The following RAB3GAP1 variants were observed in gnomAD, a reference collection of about 807,000 sequenced individuals.
RAB3GAP1 encodes the protein rab3 GTPase-activating protein catalytic subunit.
Under a neutral mutation model 130.7 loss-of-function variants are expected in RAB3GAP1, and 86 were observed. The observed-to-expected ratio is 0.66, with a 90% CI of 0.55 to 0.79. The LOEUF (loss-of-function observed/expected upper bound fraction) is 0.79, where lower values mean the gene tolerates loss of function less well. Among genes scored for constraint, RAB3GAP1 ranks in the 30% least tolerant of loss-of-function variants. The probability of loss-of-function intolerance (pLI) is 0.00; values close to 1 mark genes in which losing one functional copy is unlikely to be tolerated. For synonymous variants in RAB3GAP1, 367 were observed against 401.7 expected, an observed-to-expected ratio of 0.91 and a Z score of 1.03; for missense variants, 1,029 against 1,169.4, an observed-to-expected ratio of 0.88 and a Z score of 1.75.
chr2:135,117,639 T>TCTG (rs1260482011), intron 7 of RAB3GAP1, among the ~76,000 whole-genome samples: 173 of 60,160 alleles, frequency 2.9e-3, no homozygotes, highest in African/African-American at 0.011. Flanking sequence ...TGCTTCTGCT[T>TCTG]CTTCTTCTGC....
chr2:135,093,682 C>T lies in RAB3GAP1; in HGVS notation c.351C>T (p.Cys117=). 6.2e-7 allele frequency: 1 copy of T among 1,610,926 alleles called. No individual in the cohort carries two copies. Among genetic ancestry groups the T allele is most frequent in the South Asian group, 1.1e-5 (1 of 91,020 alleles). Residue 117 remains cysteine, a synonymous_variant, in exon 5 of 24, where the codon TGC becomes TGT. Coordinates refer to ENST00000264158, the MANE Select transcript of RAB3GAP1 (RefSeq NM_012233.3). ...ATGACTTTCCTCCAAGAGCACATTG[C>T]CTGGTAAGATGGTAGGTATATCTTT... ...MNNDFPPRAH[C]LVRWYGLREF...
intron 3 of RAB3GAP1, among the ~76,000 whole-genome samples, chr2:135,070,275 A>C (rs1051217003): frequency 6.6e-6 from 1 of 152,224 alleles, no homozygotes; most frequent in Non-Finnish European, 1.5e-5. Flanking sequence ...CTTTGGCCCA[A>C]ATAAAATCCC....
intron 19 of RAB3GAP1, among the ~76,000 whole-genome samples, chr2:135,159,321 C>T (rs1692402908): frequency 6.6e-6 from 1 of 152,142 alleles, no homozygotes. Context: ...TGCAGCAGCC[C>T]GACTGACACT....
At chr2:135,124,068 C>A in intron 8 of RAB3GAP1, 97 bp from the exon 9 acceptor site, 1 of 1,173,616 alleles carries the variant, frequency 8.5e-7, no homozygotes, top group South Asian at 1.3e-5. Context: ...TGTTCTCTTG[C>A]AGACACTTTT....
chr2:135,113,495 T>C (rs1271406773), intron 6 of RAB3GAP1, among the ~76,000 whole-genome samples: 1 of 152,212 alleles, frequency 6.6e-6, no homozygotes, highest in East Asian at 1.9e-4. Context: ...TTTAGGAGTA[T>C]ACTTTTGGAA....
rs1388728601 is a variant in RAB3GAP1 at position 135,091,000 on chromosome 2, T to C, written c.153T>C (p.Gly51=). The change falls in exon 4 of 24, where the codon GGT becomes GGC. Residue 51 remains glycine (G), a splice_region_variant and synonymous_variant. Coordinates refer to ENST00000264158, the MANE Select transcript of RAB3GAP1 (RefSeq NM_012233.3). ...TGCCATTTTATTGGTACATATAGGG[T>C]ATATTTACTTCTGGCACATGGGAAG... ...GNSLGKPLEK[G]IFTSGTWEEK... 3 of 1,611,818 alleles carry C rather than the reference T, an allele frequency of 1.9e-6. No homozygotes were observed. The Admixed American group carries it at 5.0e-5, about 27-fold the overall frequency.
chr2:135,145,059 T>C (rs1391920061), intron 17 of RAB3GAP1, among the ~76,000 whole-genome samples: 1 of 152,218 alleles, frequency 6.6e-6, no homozygotes, highest in Admixed American at 6.5e-5. Flanking sequence ...TTTTGGTATT[T>C]ATTCTTTAAA....
chr2:135,079,544 A>G (rs1373931487), intron 3 of RAB3GAP1, among the ~76,000 whole-genome samples: 1 of 151,946 alleles, frequency 6.6e-6, no homozygotes, highest in Non-Finnish European at 1.5e-5. Flanking sequence ...CTACTCCCCT[A>G]TAGGGAACTT....
At chr2:135,174,088 C>A (rs1692938158), downstream of RAB3GAP1, among the ~76,000 whole-genome samples, 1 of 152,248 alleles carries the variant, frequency 6.6e-6, no homozygotes, top group African/African-American at 2.4e-5. Flanking sequence ...CTAAGCACAA[C>A]TTCTCTGCCA....
intron 3 of RAB3GAP1, among the ~76,000 whole-genome samples, chr2:135,071,498 G>A: frequency 6.7e-6 from 1 of 150,332 alleles, no homozygotes. Flanking sequence ...TGGTGTTGCA[G>A]GTAGTAAAAT....
At chr2:135,167,802 A>C in intron 23 of RAB3GAP1, 2 of 1,156,042 alleles carry the variant, frequency 1.7e-6, no homozygotes, top group Non-Finnish European at 2.4e-6. Flanking sequence ...CACCTCTCTC[A>C]CAGTCTGGAT....
intron 19 of RAB3GAP1, 173 bp from the exon 20 acceptor site, chr2:135,162,382 G>GAAAGA: frequency 1.5e-6 from 1 of 666,978 alleles, no homozygotes; most frequent in East Asian, 2.8e-5. Flanking sequence ...AAAGATTGAA[G>GAAAGA]TTCTTAGGTG....
intron 19 of RAB3GAP1, among the ~76,000 whole-genome samples, chr2:135,160,077 A>G (rs1692423264): frequency 6.6e-6 from 1 of 152,200 alleles, no homozygotes; most frequent in Non-Finnish European, 1.5e-5. Flanking sequence ...GATAATGGTG[A>G]TGGTAACATA....
chr2:135,092,125 A>G (rs1558771461), intron 4 of RAB3GAP1, among the ~76,000 whole-genome samples: 1 of 152,232 alleles, frequency 6.6e-6, no homozygotes, highest in Non-Finnish European at 1.5e-5. Context: ...AACATTAACC[A>G]TATATACATA....
chr2:135,063,995 T>A (rs1197770938), intron 3 of RAB3GAP1, among the ~76,000 whole-genome samples: 1 of 152,180 alleles, frequency 6.6e-6, no homozygotes, highest in African/African-American at 2.4e-5. Context: ...TTGATGCTTA[T>A]TTTTTTCCAC....
At chr2:135,070,611 A>G (rs1041886864) in intron 3 of RAB3GAP1, among the ~76,000 whole-genome samples, 1 of 152,064 alleles carries the variant, frequency 6.6e-6, no homozygotes, top group Non-Finnish European at 1.5e-5. Context: ...AGGTTCAAGC[A>G]GTTCTCTTGC....
chr2:135,123,754 A>G (rs973889404), intron 8 of RAB3GAP1, among the ~76,000 whole-genome samples: 1 of 152,236 alleles, frequency 6.6e-6, no homozygotes, highest in East Asian at 1.9e-4. Context: ...CTAATTTCCT[A>G]TTCAGAAATT....
intron 22 of RAB3GAP1, among the ~76,000 whole-genome samples, chr2:135,164,079 C>G (rs961563150): frequency 3.7e-4 from 57 of 152,326 alleles, no homozygotes; most frequent in African/African-American, 1.3e-3. Flanking sequence ...TTATCTGTGA[C>G]ATACTTGGAA....
intron 17 of RAB3GAP1, among the ~76,000 whole-genome samples, chr2:135,138,876 A>G (rs1355334641): frequency 6.6e-6 from 1 of 152,130 alleles, no homozygotes; most frequent in Non-Finnish European, 1.5e-5. Flanking sequence ...TCGGCCTCCC[A>G]AAGTGCTGGG....
Sources: allele counts gnomAD v4.1 joint callset (sites outside exome capture counted in the v4.1 genomes callset), GRCh38; gene constraint gnomAD v4.1.1; transcripts MANE v1.5; gene names NCBI Gene and HGNC (gene_info 2026-07-23, HGNC 2026-07-21).